The following IFT172 variants were observed in gnomAD, a reference collection of about 807,000 sequenced individuals.
IFT172 encodes the protein intraflagellar transport protein 172 homolog.
IFT172 carries 164 observed loss-of-function variants against 248.9 expected under a neutral mutation model. That is an observed-to-expected ratio of 0.66 (90% CI 0.58 to 0.75). The LOEUF (loss-of-function observed/expected upper bound fraction) is 0.75, where lower values mean the gene tolerates loss of function less well. Among genes scored for constraint, IFT172 ranks in the 30% least tolerant of loss-of-function variants. IFT172 has a pLI of 0.00. For missense variants in IFT172, 1,950 were observed against 2,192.4 expected, an observed-to-expected ratio of 0.89 and a Z score of 2.21; for synonymous variants, 729 against 791.6, an observed-to-expected ratio of 0.92 and a Z score of 1.33.
At position 27,447,575 on chromosome 2, in the gene IFT172, C is replaced by T. The variant is rs1416391230; in HGVS notation, c.4599G>A (p.Thr1533=). 5 of 1,614,130 alleles carry T rather than the reference C, an allele frequency of 3.1e-6. No individual in the cohort carries two copies. Among genetic ancestry groups the T allele is most frequent in the African/African-American group, 1.3e-5 (1 of 75,042 alleles). ...ANSPAHEEFK[T]MLLIAHYYAT... is the part of the protein sequence containing the mutation. ...CATAGTAATGAGCGATCAGCAGCATCGTCTTGAACTCCTCATGGGCTGGAG... is the reference window on the plus strand; with the variant it reads ...CATAGTAATGAGCGATCAGCAGCATTGTCTTGAACTCCTCATGGGCTGGAG... The change falls in exon 42 of 48, where the codon ACG becomes ACA. Residue 1533 remains threonine, a synonymous_variant. Transcript: ENST00000260570.
intron 16 of IFT172, among the ~76,000 whole-genome samples, chr2:27,470,071 G>A (rs79867899): frequency 6.6e-6 from 1 of 151,870 alleles, no homozygotes; most frequent in African/African-American, 2.4e-5. Flanking sequence ...AAAAAAAAAG[G>A]TGCTTAAAGA....
Position 27,489,660 on chromosome 2 carries a change from C to T in IFT172, c.-7G>A, listed in dbSNP as rs370038356. ...TCAGGTGCTTCAAGTGCATGACGCA[C>T]ACCTGTCTTTCAGATGCTCCTAGAC... On this transcript the variant is annotated 5_prime_UTR_variant, in exon 1 of 48. The change creates a new upstream start codon in the 5' untranslated region. Transcript: ENST00000260570. 1.7e-5 allele frequency: 28 copies of T among 1,610,200 alleles called. No homozygotes were observed. Among genetic ancestry groups the T allele is most frequent in the South Asian group, 1.5e-4 (14 of 90,696 alleles).
intron 7 of IFT172, among the ~76,000 whole-genome samples, chr2:27,482,781 C>T (rs933703538): frequency 3.3e-5 from 5 of 152,016 alleles, no homozygotes; most frequent in South Asian, 2.1e-4. Flanking sequence ...GTTTTTATTT[C>T]CCTTTGTCTC....
intron 16 of IFT172, among the ~76,000 whole-genome samples, chr2:27,467,667 GAAGA>G (rs923762713): frequency 1.3e-4 from 19 of 149,016 alleles, no homozygotes; most frequent in African/African-American, 4.0e-4. Context: ...CATGGAGCAG[GAAGA>G]AAGAAACTAT....
intron 16 of IFT172, among the ~76,000 whole-genome samples, chr2:27,469,119 C>A (rs190398104): frequency 1.3e-5 from 2 of 152,094 alleles, no homozygotes; most frequent in Non-Finnish European, 2.9e-5. Flanking sequence ...TAAGGCTGGG[C>A]GCAGTGGCTC....
chr2:27,456,402 C>T (rs562361172), intron 30 of IFT172, 109 bp downstream of exon 30: 34 of 1,409,408 alleles, frequency 2.4e-5, no homozygotes, highest in Non-Finnish European at 3.8e-6. Context: ...TCATGCCACT[C>T]TATCATGTCC....
At position 27,465,734 on chromosome 2, in the gene IFT172, C is replaced by T. The variant is rs1647276; in HGVS notation, c.1829+12G>A. On this transcript the variant is annotated intron_variant, in intron 17 of 47. Transcript: ENST00000260570. Reference sequence around the variant, plus strand: ...CTCCCACCACCTCACTGGTTATTGGCCAGCCTCTCACCGGATGTAGTTGCC... The same window carrying T: ...CTCCCACCACCTCACTGGTTATTGGTCAGCCTCTCACCGGATGTAGTTGCC... The T allele has an allele frequency of 0.4, 648,645 of 1,613,256 alleles. 136,555 individuals are homozygous for T. Among genetic ancestry groups the T allele is most frequent in the African/African-American group, 0.67 (50,199 of 74,824 alleles).
intron 26 of IFT172, among the ~76,000 whole-genome samples, chr2:27,458,457 T>C (rs935823649): frequency 1.3e-5 from 2 of 152,086 alleles, no homozygotes; most frequent in African/African-American, 4.8e-5. Flanking sequence ...ACACTCCCAT[T>C]ACCACGGTAA....
chr2:27,464,644 C>T (rs1232249593), intron 18 of IFT172, among the ~76,000 whole-genome samples: 3 of 150,184 alleles, frequency 2.0e-5, no homozygotes, highest in Non-Finnish European at 4.4e-5. Flanking sequence ...TTTTGAGATA[C>T]GATCTCGCGC....
rs2148506110 is a variant in IFT172, at chr2:27,461,276, T to G, written c.2435A>C (p.Tyr812Ser). ...ITAALIKGELYERAGDLFEKI... is the reference protein window; with the variant it reads ...ITAALIKGELSERAGDLFEKI... ...AAAAGGAAGCCAGCATACCCTTTCG[T>G]AGAGTTCCCCCTTGATAAGGGCTGC... Residue 812 changes from tyrosine to serine, a missense_variant, in exon 22 of 48, where the codon TAC (tyrosine) becomes TCC (serine). Tyr to Ser is a moderately radical substitution (Grantham distance 144, BLOSUM62 -2). Around this residue, in one of 3 missense-constraint regions of IFT172, gnomAD observed 1,166 missense variants for 1,254.1 expected, o/e 0.93. Transcript: ENST00000260570. 1.4e-5 allele frequency: 23 copies of G among 1,614,052 alleles called. No individual in the cohort carries two copies. Among genetic ancestry groups the G allele is most frequent in the Non-Finnish European group, 1.9e-5 (23 of 1,179,960 alleles).
At chr2:27,485,565 T>C in intron 1 of IFT172, 62 bp from the exon 2 acceptor site, 3 of 1,581,552 alleles carry the variant, frequency 1.9e-6, no homozygotes, top group Non-Finnish European at 1.7e-6. Context: ...AAAGCATTTC[T>C]AGCTTCATTA....
intron 18 of IFT172, among the ~76,000 whole-genome samples, chr2:27,464,653 G>A (rs1479813611): frequency 2.6e-5 from 4 of 151,302 alleles, no homozygotes; most frequent in African/African-American, 4.9e-5. Context: ...ACGATCTCGC[G>A]CATCAGCCAG....
chr2:27,483,465 G>A, intron 6 of IFT172, 89 bp from the exon 7 acceptor site: 1 of 1,399,804 alleles, frequency 7.1e-7, no homozygotes, highest in East Asian at 2.3e-5. Flanking sequence ...AACCTTGTCT[G>A]TGCTTCCTGC....
At chr2:27,473,724 A>G (rs972312650) in intron 14 of IFT172, among the ~76,000 whole-genome samples, 25 of 152,148 alleles carry the variant, frequency 1.6e-4, no homozygotes, top group African/African-American at 5.6e-4. Context: ...TGTACAGTAT[A>G]TATTTTTCTC....
Position 27,461,359 on chromosome 2 carries a change from C to T in IFT172, c.2352G>A (p.Arg784=). Reference sequence around the variant, plus strand: ...GCAGTTCCTCTCGGGTCAGCACCAGCCGAGCAGCTTTGGCAGGGAGCCCAG... The same window carrying T: ...GCAGTTCCTCTCGGGTCAGCACCAGTCGAGCAGCTTTGGCAGGGAGCCCAG... ...LKAGLPAKAA[R]LVLTREELLA... Residue 784 remains arginine, a synonymous_variant, in exon 22 of 48, where the codon CGG becomes CGA. Transcript: ENST00000260570. The T allele has an allele frequency of 6.2e-7, 1 of 1,614,188 alleles. No homozygotes were observed. Among genetic ancestry groups the T allele is most frequent in the Non-Finnish European group, 8.5e-7 (1 of 1,180,018 alleles).
intron 15 of IFT172, chr2:27,471,311 A>C (rs1260968987): frequency 4.8e-6 from 2 of 416,616 alleles, no homozygotes; most frequent in Non-Finnish European, 8.4e-6. Flanking sequence ...ACATCCCAGG[A>C]ATTTTAAGTT....
rs1206668490 is a variant in IFT172, at chr2:27,483,592, G to A, written c.470C>T (p.Ser157Phe). The A allele has an allele frequency of 2.5e-6, 4 of 1,613,996 alleles. No individual in the cohort carries two copies. Among genetic ancestry groups the A allele is most frequent in the Non-Finnish European group, 3.4e-6 (4 of 1,179,984 alleles). The change falls in exon 6 of 48, where the codon TCC (serine) becomes TTC (phenylalanine). Residue 157 changes from serine to phenylalanine, a missense_variant. This residue lies in a region of IFT172 where 1,166 missense variants were observed against 1,254.1 expected (regional missense o/e 0.93). Coordinates refer to ENST00000260570, the MANE Select transcript of IFT172 (RefSeq NM_015662.3). ...CCTCTTTACTCACTTTGTTGTCAGG[G>A]ACACCACGTAAGACTCTGTCCCATA... ...TIYGTESYVVSLTTNCSGKGI... is the reference protein window; with the variant it reads ...TIYGTESYVVFLTTNCSGKGI...
Position 27,445,623 on chromosome 2 carries a change from A to T in IFT172, c.4914+122T>A. ...AGCCTTTTCTTTCTATTTTGCTTCTACTTTCACTGAAAAAACAGTGAGGGC... is the reference window on the plus strand; with the variant it reads ...AGCCTTTTCTTTCTATTTTGCTTCTTCTTTCACTGAAAAAACAGTGAGGGC... On this transcript the variant is annotated intron_variant, in intron 45 of 47. Transcript: ENST00000260570. This position sits in a 1 kb window ranked among gnomAD's most constrained non-coding sequence, Gnocchi z 4.4. The T allele has an allele frequency of 7.4e-7, 1 of 1,357,262 alleles. No individual in the cohort carries two copies. Among genetic ancestry groups the T allele is most frequent in the Non-Finnish European group, 1.0e-6 (1 of 984,646 alleles). The allele number at this position is 1,357,262 out of a possible 1,614,324, so 84.1% of individuals were successfully genotyped here. A position where few individuals can be genotyped will look rare whatever the true frequency, so the allele number is the denominator to read the frequency against.
At chr2:27,481,332 T>A (rs1572825188) in intron 7 of IFT172, 72 bp from the exon 8 acceptor site, 1 of 1,118,748 alleles carries the variant, frequency 8.9e-7, no homozygotes, top group East Asian at 2.6e-5. Context: ...TCTCAACACC[T>A]GGTACATTCA....
Sources: allele counts gnomAD v4.1 joint callset (sites outside exome capture counted in the v4.1 genomes callset), GRCh38; gene constraint gnomAD v4.1.1; regional missense constraint gnomAD v4.1.1; non-coding constraint Gnocchi (gnomAD v3.1); transcripts MANE v1.5; gene names NCBI Gene and HGNC (gene_info 2026-07-23, HGNC 2026-07-21).